Variants in CHST11 observed in about 807,000 individuals in gnomAD.
CHST11 encodes the protein carbohydrate sulfotransferase 11.
A neutral mutation model predicts 30.4 loss-of-function variants in CHST11; 9 were observed. The ratio of observed to expected loss-of-function variants is 0.30; its 90% CI spans 0.18 to 0.52. CHST11 has a LOEUF of 0.52. Among genes scored for constraint, CHST11 ranks in the 20% least tolerant of loss-of-function variants. The pLI is 0.97. For synonymous variants in CHST11, 152 were observed against 187.8 expected (o/e 0.81, Z 1.56); for missense variants, 348 against 460.6 (o/e 0.76, Z 2.24).
At position 104,757,345 on chromosome 12, in the gene CHST11, A is replaced by T; in HGVS notation, c.601A>T (p.Thr201Ser). The change falls in exon 3 of 3, where the codon ACC becomes TCC. Residue 201 changes from threonine (T) to serine (S), a missense_variant. Coordinates refer to ENST00000303694, the MANE Select transcript of CHST11 (RefSeq NM_018413.6). This position sits in a 1 kb window ranked among gnomAD's most constrained non-coding sequence, Gnocchi z 6.5. ...RLVSAYRNKF[T>S]QKYNISFHKR... ...AGTGTCCGCCTACCGCAACAAGTTC[A>T]CCCAGAAGTACAACATCTCCTTCCA... is the stretch of plus-strand genomic sequence containing the variant. 1 of 1,614,092 alleles carries T rather than the reference A, an allele frequency of 6.2e-7. No homozygotes were observed. The highest frequency in any genetic ancestry group is 8.5e-7 in the Non-Finnish European group (1 of 1,180,038).
chr12:104,537,789 G>A (rs754138041), intron 1 of CHST11, among the ~76,000 whole-genome samples: 11 of 140,936 alleles, frequency 7.8e-5, no homozygotes, highest in Non-Finnish European at 1.1e-4. Context: ...TCAAATTCCC[G>A]GGCTCTGGTG....
Position 104,457,388 on chromosome 12 carries a change from G to T in CHST11, c.-24G>T. The T allele has an allele frequency of 1.9e-6, 3 of 1,580,494 alleles. No homozygotes were observed. Among genetic ancestry groups the T allele is most frequent in the Non-Finnish European group, 1.7e-6 (2 of 1,151,154 alleles). ...CCCGGGCGCGCTTCCCGGACACCCC[G>T]GTCCCCGCAGCCAGGACAAAGCCAT... On this transcript the variant is annotated 5_prime_UTR_variant, in exon 1 of 3. Transcript: ENST00000303694.
intron 1 of CHST11, chr12:104,591,751 C>T (rs1438047722): frequency 2.6e-5 from 4 of 153,564 alleles, no homozygotes; most frequent in African/African-American, 7.3e-5. Flanking sequence ...AAAGCATGCA[C>T]CATGACCCAC....
chr12:104,526,577 T>A (rs1316213680), intron 1 of CHST11, among the ~76,000 whole-genome samples: 1 of 151,976 alleles, frequency 6.6e-6, no homozygotes, highest in Non-Finnish European at 1.5e-5. Flanking sequence ...TTGTGAGGGG[T>A]GCTTGTTAGA....
At chr12:104,705,950 G>A (rs914731763) in intron 2 of CHST11, among the ~76,000 whole-genome samples, 38 of 152,042 alleles carry the variant, frequency 2.5e-4, no homozygotes, top group Admixed American at 2.5e-3. Flanking sequence ...ATTAGGCATG[G>A]TGGAACATGC....
chr12:104,476,742 G>A (rs1015275565), intron 1 of CHST11, among the ~76,000 whole-genome samples: 1 of 151,730 alleles, frequency 6.6e-6, no homozygotes, highest in Non-Finnish European at 1.5e-5. Context: ...GTGTGAATAT[G>A]TCCATCTTAC....
At chr12:104,460,267 A>G (rs905433779) in intron 1 of CHST11, among the ~76,000 whole-genome samples, 8 of 152,228 alleles carry the variant, frequency 5.3e-5, no homozygotes, top group African/African-American at 1.4e-4. Context: ...GGCCTCTGGC[A>G]GGGGTTCCAG....
At chr12:104,619,493 G>C (rs371483421) in intron 2 of CHST11, among the ~76,000 whole-genome samples, 34 of 152,202 alleles carry the variant, frequency 2.2e-4, no homozygotes, top group Middle Eastern at 6.8e-3. Context: ...TCTCGTCAGG[G>C]GAGGGCTATT....
At chr12:104,486,973 T>C (rs1310291881) in intron 1 of CHST11, among the ~76,000 whole-genome samples, 1 of 152,218 alleles carries the variant, frequency 6.6e-6, no homozygotes, top group African/African-American at 2.4e-5. Context: ...GTTAGGAATA[T>C]ACCAAAGCAA....
chr12:104,481,655 G>C (rs2037623888), intron 1 of CHST11, among the ~76,000 whole-genome samples: 1 of 152,064 alleles, frequency 6.6e-6, no homozygotes, highest in Non-Finnish European at 1.5e-5. Flanking sequence ...GGCATTTTTG[G>C]AGAGGGCTTT....
intron 2 of CHST11, among the ~76,000 whole-genome samples, chr12:104,710,342 T>C (rs1461557887): frequency 6.6e-6 from 1 of 152,216 alleles, no homozygotes; most frequent in Non-Finnish European, 1.5e-5. Context: ...CAGTTGGTGC[T>C]GGCTGTCTCC....
At chr12:104,734,918 C>A (rs932306405) in intron 2 of CHST11, among the ~76,000 whole-genome samples, 1 of 152,212 alleles carries the variant, frequency 6.6e-6, no homozygotes, top group Non-Finnish European at 1.5e-5. Flanking sequence ...GTATCATCAT[C>A]GTGTTGTTTA....
intron 1 of CHST11, among the ~76,000 whole-genome samples, chr12:104,461,775 C>T (rs12320787): frequency 0.069 from 10,532 of 151,990 alleles, 863 homozygotes; most frequent in African/African-American, 0.21. Context: ...CTCATTTTAC[C>T]CCCTTGCACT....
rs1268274109 is a variant in CHST11 at position 104,662,967 on chromosome 12, C to T, written c.204+60976C>T. Among the ~76,000 whole-genome samples the T allele has an allele frequency of 5.9e-5, 9 of 152,300 alleles. No individual in the cohort carries two copies. The East Asian group carries it at 1.7e-3, about 29-fold the overall frequency. On this transcript the variant is annotated intron_variant, in intron 2 of 2. Transcript: ENST00000303694. ...TGAATTAGAAATTGTGCCACGGAGC[C>T]CACTCAGGTGCCACTAATTTATTTA...
chr12:104,492,439 C>T (rs2037756322), intron 1 of CHST11, among the ~76,000 whole-genome samples: 1 of 152,128 alleles, frequency 6.6e-6, no homozygotes, highest in Non-Finnish European at 1.5e-5. Context: ...CATCCATTTC[C>T]CCGAACCAGA....
In CHST11 at chr12:104,674,379, C is replaced by G. The variant is rs529647748; in HGVS notation, c.204+72388C>G. 2.6e-5 allele frequency among the ~76,000 whole-genome samples: 4 copies of G among 152,284 alleles called. No homozygotes were observed. The South Asian group carries it at 8.3e-4, about 32-fold the overall frequency. ...TCTGTGCCAGGCATTGTTGTAAGGA[C>G]TTTATACTTAATCCTTGCATCCTAA... On this transcript the variant is annotated intron_variant, in intron 2 of 2. Transcript: ENST00000303694.
At chr12:104,675,752 G>C (rs956036111) in intron 2 of CHST11, among the ~76,000 whole-genome samples, 2 of 152,182 alleles carry the variant, frequency 1.3e-5, no homozygotes, top group African/African-American at 2.4e-5. Flanking sequence ...ATTCTTACAG[G>C]GTTGTTTTGA....
chr12:104,519,105 T>TGTGTGTGTG (rs1565972437), intron 1 of CHST11, among the ~76,000 whole-genome samples: 12 of 151,278 alleles, frequency 7.9e-5, no homozygotes, highest in South Asian at 2.1e-4. Context: ...TGTGTGTGTG[T>TGTGTGTGTG]TTCTTTCTCC....
chr12:104,698,169 T>G (rs1180568483), intron 2 of CHST11, among the ~76,000 whole-genome samples: 2 of 152,218 alleles, frequency 1.3e-5, no homozygotes, highest in South Asian at 4.1e-4. Flanking sequence ...CTGTAACTGT[T>G]GCTATGGCCT....
Sources: allele counts gnomAD v4.1 joint callset (sites outside exome capture counted in the v4.1 genomes callset), GRCh38; gene constraint gnomAD v4.1.1; non-coding constraint Gnocchi (gnomAD v3.1); transcripts MANE v1.5; gene names NCBI Gene and HGNC (gene_info 2026-07-23, HGNC 2026-07-21).